The following PDE1A variants were observed in gnomAD, a reference collection of about 807,000 sequenced individuals.
The protein encoded by PDE1A is dual specificity calcium/calmodulin-dependent 3',5'-cyclic nucleotide phosphodiesterase 1A.
PDE1A carries 35 observed loss-of-function variants against 61.7 expected under a neutral mutation model. The observed-to-expected ratio is 0.57, with a 90% confidence interval of 0.43 to 0.75. The LOEUF is 0.75. PDE1A is among the 30% of genes least tolerant of loss of function. The pLI, the probability that PDE1A is intolerant of heterozygous loss-of-function variation, is 0.00. For missense variants in PDE1A, 597 were observed against 630.6 expected, an observed-to-expected ratio of 0.95 and a Z score of 0.57; for synonymous variants, 232 against 213.2, an observed-to-expected ratio of 1.09 and a Z score of -0.77.
exon 1 of PDE1A, chr2:182,426,773 G>T (rs1703648796): frequency 1.4e-6 from 2 of 1,480,962 alleles, no homozygotes; most frequent in South Asian, 2.8e-5. Context: ...GGTGCTGGGA[G>T]AAAACTTCCC....
the PDE1A span, among the ~76,000 whole-genome samples, chr2:182,645,519 AT>A: frequency 6.6e-6 from 1 of 152,194 alleles, no homozygotes; most frequent in Non-Finnish European, 1.5e-5. Flanking sequence ...GAGAACACTT[AT>A]CTTTTTTTGT....
At chr2:182,345,800 G>C (rs1213963123) in intron 1 of PDE1A, among the ~76,000 whole-genome samples, 2 of 152,136 alleles carry the variant, frequency 1.3e-5, no homozygotes, top group African/African-American at 4.8e-5. Context: ...AGTTAAAGCT[G>C]AAGACTCTGC....
At chr2:182,162,126 C>T (rs1266987366) in intron 13 of PDE1A, among the ~76,000 whole-genome samples, 1 of 152,144 alleles carries the variant, frequency 6.6e-6, no homozygotes, top group Non-Finnish European at 1.5e-5. Flanking sequence ...GAGGGGAGCA[C>T]CAGCATCCTT....
At chr2:182,252,717 C>G (rs1357631355) in intron 2 of PDE1A, among the ~76,000 whole-genome samples, 3 of 152,080 alleles carry the variant, frequency 2.0e-5, no homozygotes, top group Non-Finnish European at 4.4e-5. Flanking sequence ...AGCTGAATGC[C>G]CCACCCTATC....
At chr2:182,241,155 C>T (rs1046738310) in intron 2 of PDE1A, among the ~76,000 whole-genome samples, 2 of 152,186 alleles carry the variant, frequency 1.3e-5, no homozygotes, top group African/African-American at 2.4e-5. Context: ...CAGTCAGCTT[C>T]GGCAGTCAAG....
At chr2:182,310,547 C>T (rs191549223) in intron 1 of PDE1A, among the ~76,000 whole-genome samples, 1 of 152,130 alleles carries the variant, frequency 6.6e-6, no homozygotes, top group African/African-American at 2.4e-5. Flanking sequence ...ATTCCATCCT[C>T]AGTATATCTT....
the PDE1A span, among the ~76,000 whole-genome samples, chr2:182,560,670 A>G: frequency 6.6e-6 from 1 of 152,182 alleles, no homozygotes; most frequent in Non-Finnish European, 1.5e-5. Context: ...ACTAGTTTAC[A>G]GTCCCACCAA....
chr2:182,418,278 T>A (rs1289036148), intron 1 of PDE1A, among the ~76,000 whole-genome samples: 1 of 152,208 alleles, frequency 6.6e-6, no homozygotes, highest in Non-Finnish European at 1.5e-5. Context: ...AAATCAATTA[T>A]TGAAAAAGAA....
intron 2 of PDE1A, among the ~76,000 whole-genome samples, chr2:182,510,438 C>G (rs1334163988): frequency 6.6e-6 from 1 of 152,126 alleles, no homozygotes; most frequent in East Asian, 1.9e-4. Context: ...TAGTCCTTTA[C>G]CAGATGATAA....
At chr2:182,472,915 T>C (rs930213442) in intron 2 of PDE1A, among the ~76,000 whole-genome samples, 2 of 149,644 alleles carry the variant, frequency 1.3e-5, no homozygotes, top group African/African-American at 4.9e-5. Flanking sequence ...TCCAGACTCA[T>C]ACATAAGCTT....
chr2:182,615,802 A>T, the PDE1A span, among the ~76,000 whole-genome samples: 1 of 152,216 alleles, frequency 6.6e-6, no homozygotes, highest in African/African-American at 2.4e-5. Flanking sequence ...ACAGAAGGAG[A>T]GGGAGAAGGA....
At chr2:182,294,040 T>C (rs1261839922) in intron 1 of PDE1A, among the ~76,000 whole-genome samples, 4 of 152,244 alleles carry the variant, frequency 2.6e-5, no homozygotes, top group Non-Finnish European at 5.9e-5. Context: ...ACAGCTACGC[T>C]GGACATAGAA....
At chr2:182,477,481 C>G (rs542537504) in intron 2 of PDE1A, among the ~76,000 whole-genome samples, 52 of 151,908 alleles carry the variant, frequency 3.4e-4, no homozygotes, top group Middle Eastern at 3.4e-3. Flanking sequence ...CCTTGAGTCA[C>G]GTAGTGAATG....
intron 7 of PDE1A, among the ~76,000 whole-genome samples, chr2:182,221,630 C>T (rs1187851633): frequency 6.6e-6 from 1 of 152,056 alleles, no homozygotes; most frequent in East Asian, 1.9e-4. Context: ...AGAATGCCCT[C>T]CCCAACACTT....
intron 2 of PDE1A, among the ~76,000 whole-genome samples, chr2:182,243,937 G>A (rs1317817746): frequency 2.0e-5 from 3 of 151,994 alleles, no homozygotes; most frequent in Non-Finnish European, 2.9e-5. Context: ...GTGCGATCTC[G>A]GCTCACCACA....
At chr2:182,443,528 T>C (rs192556691) in intron 2 of PDE1A, among the ~76,000 whole-genome samples, 137 of 151,976 alleles carry the variant, frequency 9.0e-4, no homozygotes, top group Admixed American at 3.4e-3. Context: ...GGTTTGAAAG[T>C]GTGTGACACT....
intron 1 of PDE1A, among the ~76,000 whole-genome samples, chr2:182,334,742 C>T (rs1381477759): frequency 5.3e-5 from 8 of 152,096 alleles, no homozygotes; most frequent in African/African-American, 1.9e-4. Flanking sequence ...CTTTCACCAC[C>T]CCTATTCAAC....
At chr2:182,596,050 G>A in the PDE1A span, among the ~76,000 whole-genome samples, 1 of 152,132 alleles carries the variant, frequency 6.6e-6, no homozygotes, top group Non-Finnish European at 1.5e-5. Context: ...TATAGTACAA[G>A]CAAATAAAGT....
intron 10 of PDE1A, among the ~76,000 whole-genome samples, chr2:182,198,279 T>C (rs1290522300): frequency 6.6e-6 from 1 of 151,960 alleles, no homozygotes; most frequent in Non-Finnish European, 1.5e-5. Flanking sequence ...TTTGTAGATC[T>C]CTTGAGGTTT....
Sources: gnomAD v4.1 joint callset for allele counts (sites outside exome capture counted in the v4.1 genomes callset) on GRCh38, gnomAD v4.1.1 for gene constraint, MANE v1.5 for transcripts, NCBI Gene and HGNC (gene_info 2026-07-23, HGNC 2026-07-21) for gene names.